The following PARD3B variants were observed in gnomAD, a reference collection of about 807,000 sequenced individuals.
PARD3B encodes par-3 family cell polarity regulator beta, also known as partitioning defective 3 homolog B.
PARD3B carries 103 observed loss-of-function variants against 130.2 expected under a neutral mutation model. The ratio of observed to expected loss-of-function variants is 0.79; its 90% confidence interval spans 0.67 to 0.93. The LOEUF is 0.93. PARD3B is among the 40% of genes least tolerant of loss of function. PARD3B has a pLI of 0.00. For missense variants in PARD3B, 1,609 were observed against 1,499.2 expected, an observed-to-expected ratio of 1.07 and a Z score of -1.21; for synonymous variants, 583 against 553.2, an observed-to-expected ratio of 1.05 and a Z score of -0.76.
chr2:205,197,087 G>A (rs543038589), intron 15 of PARD3B, among the ~76,000 whole-genome samples: 26 of 151,464 alleles, frequency 1.7e-4, no homozygotes, highest in African/African-American at 4.8e-4. Context: ...GAGAGAGAGA[G>A]AGAGAGCATG....
intron 4 of PARD3B, among the ~76,000 whole-genome samples, chr2:205,094,036 A>G (rs1358407335): frequency 1.3e-5 from 2 of 152,052 alleles, no homozygotes; most frequent in South Asian, 4.2e-4. Context: ...GCTCTGGATC[A>G]CCCTACTTCT....
intron 22 of PARD3B, among the ~76,000 whole-genome samples, chr2:205,588,783 T>C (rs2054284881): frequency 1.3e-5 from 2 of 152,268 alleles, no homozygotes; most frequent in Admixed American, 6.5e-5. Flanking sequence ...CTTTACTTGC[T>C]AGTCCATGTC....
At chr2:205,192,306 T>C (rs2036439901) in intron 14 of PARD3B, among the ~76,000 whole-genome samples, 1 of 152,212 alleles carries the variant, frequency 6.6e-6, no homozygotes, top group Non-Finnish European at 1.5e-5. Context: ...ATCAATACTT[T>C]AGATTTTGTA....
intron 16 of PARD3B, among the ~76,000 whole-genome samples, chr2:205,254,217 C>T (rs2039976348): frequency 6.6e-6 from 1 of 151,492 alleles, no homozygotes; most frequent in Non-Finnish European, 1.5e-5. Context: ...CCAGGATTCA[C>T]CAAATGGCTG....
intron 1 of PARD3B, among the ~76,000 whole-genome samples, chr2:204,597,264 T>C (rs1574521404): frequency 6.6e-6 from 1 of 152,064 alleles, no homozygotes; most frequent in African/African-American, 2.4e-5. Context: ...GCGTGTTTTT[T>C]TTTTGGTAGC....
chr2:205,054,402 T>TATATATATATATA (rs1559392745), intron 4 of PARD3B, among the ~76,000 whole-genome samples: 14 of 39,280 alleles, frequency 3.6e-4, no homozygotes, highest in South Asian at 1.3e-3. Flanking sequence ...ATGACATGTC[T>TATATATATATATA]TTTATATATA....
chr2:205,051,917 G>A (rs1018764704), intron 4 of PARD3B, among the ~76,000 whole-genome samples: 2 of 152,134 alleles, frequency 1.3e-5, no homozygotes, highest in African/African-American at 4.8e-5. Context: ...AATCATTAAT[G>A]TGCAAATAGT....
At chr2:205,373,772 A>G (rs1287345553) in intron 18 of PARD3B, among the ~76,000 whole-genome samples, 1 of 152,196 alleles carries the variant, frequency 6.6e-6, no homozygotes, top group Admixed American at 6.5e-5. Flanking sequence ...CCCACTTAGT[A>G]TCCAGTAAAG....
At chr2:205,544,362 G>T (rs2052294718) in intron 21 of PARD3B, among the ~76,000 whole-genome samples, 1 of 152,004 alleles carries the variant, frequency 6.6e-6, no homozygotes, top group African/African-American at 2.4e-5. Flanking sequence ...GATAGGAAAT[G>T]AGGAATGATG....
chr2:204,983,056 C>T (rs183716431), intron 3 of PARD3B, among the ~76,000 whole-genome samples: 1 of 152,188 alleles, frequency 6.6e-6, no homozygotes, highest in Non-Finnish European at 1.5e-5. Context: ...CCATTTTCTA[C>T]CTGATTTAGT....
At chr2:205,361,001 C>T (rs1468503295) in intron 18 of PARD3B, among the ~76,000 whole-genome samples, 1 of 151,994 alleles carries the variant, frequency 6.6e-6, no homozygotes, top group East Asian at 1.9e-4. Context: ...CTCCCTTCTT[C>T]ACTGCCCCAA....
chr2:205,321,929 A>G lies in PARD3B; in HGVS notation c.2630+20228A>G, dbSNP rs2042765812. Among the ~76,000 whole-genome samples the G allele has an allele frequency of 6.6e-6, 1 of 152,228 alleles. No homozygotes were observed. The highest frequency in any genetic ancestry group is 1.5e-5 in the Non-Finnish European group (1 of 68,034). On this transcript the variant is annotated intron_variant, in intron 18 of 22. Coordinates refer to ENST00000406610, the MANE Select transcript of PARD3B (RefSeq NM_001302769.2). This position sits in a 1 kb window ranked among gnomAD's most constrained non-coding sequence, Gnocchi z 4.2. ...TTGTGATAAAGCGTCGGTAACCATT[A>G]AATTTGGTGCAGAGTGCTTGAATGA...
chr2:205,313,403 A>G (rs1219804968), intron 18 of PARD3B, among the ~76,000 whole-genome samples: 1 of 152,166 alleles, frequency 6.6e-6, no homozygotes, highest in African/African-American at 2.4e-5. Context: ...ATGGAGGGGC[A>G]AGGGCATGGA....
chr2:204,657,269 A>T (rs2035670518), intron 1 of PARD3B, among the ~76,000 whole-genome samples: 1 of 152,180 alleles, frequency 6.6e-6, no homozygotes, highest in South Asian at 2.1e-4. Flanking sequence ...CACTCCTGTA[A>T]TCCCAGCACT....
chr2:205,378,008 T>C lies in PARD3B; in HGVS notation c.2631-23005T>C, dbSNP rs1279298820. Among the ~76,000 whole-genome samples the C allele has an allele frequency of 2.0e-5, 3 of 152,070 alleles. No homozygotes were observed. In the East Asian group the frequency reaches 5.8e-4, roughly 29 times the overall value. ...CTAGTCTTGAACTCCTGACCTCAGGTGATCCATCTGCCTTGGCCTCCCAAA... is the reference window on the plus strand; with the variant it reads ...CTAGTCTTGAACTCCTGACCTCAGGCGATCCATCTGCCTTGGCCTCCCAAA... On this transcript the variant is annotated intron_variant, in intron 18 of 22. Coordinates refer to ENST00000406610, the MANE Select transcript of PARD3B (RefSeq NM_001302769.2).
chr2:204,931,610 TC>T (rs1457153292), intron 2 of PARD3B, among the ~76,000 whole-genome samples: 28 of 148,636 alleles, frequency 1.9e-4, no homozygotes, highest in African/African-American at 5.6e-4. Context: ...TTTTTTTTTT[TC>T]TCCTAAGGAA....
chr2:204,680,109 A>G (rs2036756006), intron 1 of PARD3B, among the ~76,000 whole-genome samples: 1 of 151,906 alleles, frequency 6.6e-6, no homozygotes, highest in Non-Finnish European at 1.5e-5. Context: ...CTCTTTTTCT[A>G]GTCTCTAGAA....
intron 16 of PARD3B, among the ~76,000 whole-genome samples, chr2:205,294,546 C>A (rs1412392635): frequency 6.6e-6 from 1 of 152,094 alleles, no homozygotes; most frequent in Non-Finnish European, 1.5e-5. Context: ...CTTGAAGGGC[C>A]ATGCTCATAC....
intron 2 of PARD3B, among the ~76,000 whole-genome samples, chr2:204,927,636 G>A (rs1687722312): frequency 6.6e-6 from 1 of 151,534 alleles, no homozygotes; most frequent in Non-Finnish European, 1.5e-5. Flanking sequence ...GTAATGGTTT[G>A]AATTGATACA....
Sources: allele counts gnomAD v4.1 joint callset (sites outside exome capture counted in the v4.1 genomes callset), GRCh38; gene constraint gnomAD v4.1.1; non-coding constraint Gnocchi (gnomAD v3.1); transcripts MANE v1.5; gene names NCBI Gene and HGNC (gene_info 2026-07-23, HGNC 2026-07-21).